The following ACBD6 variants were observed in gnomAD, a reference collection of about 807,000 sequenced individuals.
ACBD6 encodes the protein acyl-CoA binding domain containing 6.
ACBD6 carries 28 observed loss-of-function variants against 37.2 expected under a neutral mutation model. The observed-to-expected ratio is 0.75, with a 90% CI of 0.56 to 1.03. The LOEUF (loss-of-function observed/expected upper bound fraction) is 1.03. Ranked by LOEUF, ACBD6 falls within the 50% of genes least tolerant of loss-of-function variation. The pLI is 0.00. For missense variants in ACBD6, 340 were observed against 337.4 expected (o/e 1.01, Z -0.06); for synonymous variants, 113 against 126.8 (o/e 0.89, Z 0.73).
At chr1:180,352,319 G>T (rs1325118734) in intron 6 of ACBD6, among the ~76,000 whole-genome samples, 1 of 151,968 alleles carries the variant, frequency 6.6e-6, no homozygotes, top group African/African-American at 2.4e-5. Context: ...ATGTTGTCCA[G>T]GCTGGCCTCA....
At chr1:180,459,398 C>A (rs1049839419) in intron 3 of ACBD6, among the ~76,000 whole-genome samples, 4 of 152,136 alleles carry the variant, frequency 2.6e-5, no homozygotes, top group Non-Finnish European at 5.9e-5. Context: ...CTGAAATATT[C>A]AATTCTAGCA....
At chr1:180,399,518 T>C (rs1647259661) in intron 5 of ACBD6, among the ~76,000 whole-genome samples, 2 of 152,204 alleles carry the variant, frequency 1.3e-5, no homozygotes, top group Admixed American at 6.5e-5. Context: ...TCCACCTGCC[T>C]TGGCCTCCCA....
At chr1:180,498,885 G>A (rs1651842196) in intron 1 of ACBD6, among the ~76,000 whole-genome samples, 1 of 151,638 alleles carries the variant, frequency 6.6e-6, no homozygotes, top group Non-Finnish European at 1.5e-5. Context: ...TTATTAAACA[G>A]TATCTTATGA....
At chr1:180,304,643 G>A (rs1271604918) in intron 7 of ACBD6, among the ~76,000 whole-genome samples, 1 of 150,732 alleles carries the variant, frequency 6.6e-6, no homozygotes, top group Non-Finnish European at 1.5e-5. Flanking sequence ...GCTCATGGTA[G>A]GAAGAATCAA....
In ACBD6 at chr1:180,444,476, T is replaced by C. The variant is rs1043050859; in HGVS notation, c.385-14214A>G. Among the ~76,000 whole-genome samples, 6 of 152,332 alleles carry C rather than the reference T, an allele frequency of 3.9e-5. No homozygotes were observed. The South Asian group carries it at 1.2e-3, about 32-fold the overall frequency. Reference sequence around the variant, plus strand: ...GTTTTGTGGGGAAATAAAAAGATTATATCTTAGGCAGAAATAATATTTTAA... The same window carrying C: ...GTTTTGTGGGGAAATAAAAAGATTACATCTTAGGCAGAAATAATATTTTAA... On this transcript the variant is annotated intron_variant, in intron 3 of 7. Coordinates refer to ENST00000367595, the MANE Select transcript of ACBD6 (RefSeq NM_032360.4).
chr1:180,288,253 T>C lies in ACBD6; in HGVS notation c.*110A>G. On this transcript the variant is annotated 3_prime_UTR_variant, in exon 8 of 8. Transcript: ENST00000367595. ...AATCCCAGTTCCACAGAACTGATTTTATTAGCCAATACATACCAAAGACGG... is the reference window on the plus strand; with the variant it reads ...AATCCCAGTTCCACAGAACTGATTTCATTAGCCAATACATACCAAAGACGG... 2 of 1,467,868 alleles carry C rather than the reference T, an allele frequency of 1.4e-6. No homozygotes were observed. Among genetic ancestry groups the C allele is most frequent in the Non-Finnish European group, 1.9e-6 (2 of 1,067,328 alleles). 90.9% of individuals were successfully genotyped at this position (1,467,868 alleles called of 1,614,324 possible).
At chr1:180,443,303 G>A (rs1649354540) in intron 3 of ACBD6, among the ~76,000 whole-genome samples, 1 of 152,056 alleles carries the variant, frequency 6.6e-6, no homozygotes, top group African/African-American at 2.4e-5. Context: ...ACTCCTGACT[G>A]GTAGGAAACA....
rs1265181342 is a variant in ACBD6, at chr1:180,460,225, C to T, written c.385-29963G>A. 2.0e-5 allele frequency among the ~76,000 whole-genome samples: 3 copies of T among 151,466 alleles called. No individual in the cohort carries two copies. In the East Asian group the frequency reaches 5.8e-4, roughly 29 times the overall value. Reference sequence around the variant, plus strand: ...ACTGGGTGGGACTTACCAACAGGGGCCTCAAGCCACTCCCACCATTGTTCT... The same window carrying T: ...ACTGGGTGGGACTTACCAACAGGGGTCTCAAGCCACTCCCACCATTGTTCT... On this transcript the variant is annotated intron_variant, in intron 3 of 7. Coordinates refer to ENST00000367595, the MANE Select transcript of ACBD6 (RefSeq NM_032360.4).
chr1:180,342,386 C>T (rs57948698), intron 6 of ACBD6, among the ~76,000 whole-genome samples: 7,933 of 152,102 alleles, frequency 0.052, 667 homozygotes, highest in African/African-American at 0.17. Flanking sequence ...AAAGAAAAGA[C>T]AATTATCTTA....
intron 6 of ACBD6, among the ~76,000 whole-genome samples, chr1:180,326,113 G>A (rs536351634): frequency 6.6e-6 from 1 of 152,340 alleles, no homozygotes; most frequent in East Asian, 1.9e-4. Context: ...CTTCAGGGAA[G>A]CAAGTTACCC....
At chr1:180,397,640 C>T (rs757809391) in intron 5 of ACBD6, 35 bp from the exon 6 acceptor site, 15 of 1,501,038 alleles carry the variant, frequency 1.0e-5, no homozygotes, top group Admixed American at 1.7e-5. Flanking sequence ...TTTGTTATCT[C>T]AGTTGTGGAG....
chr1:180,463,033 G>C (rs1029625486), intron 3 of ACBD6, among the ~76,000 whole-genome samples: 5 of 152,096 alleles, frequency 3.3e-5, no homozygotes, highest in African/African-American at 9.7e-5. Flanking sequence ...AAACTAATGA[G>C]AACAAAGATA....
At position 180,502,469 on chromosome 1, in the gene ACBD6, C is replaced by T. The variant is rs932715908; in HGVS notation, c.-203G>A. The T allele has an allele frequency of 2.2e-5, 14 of 627,596 alleles. No individual in the cohort carries two copies. The highest frequency in any genetic ancestry group is 3.6e-5 in the African/African-American group (2 of 55,220). 38.9% of individuals were successfully genotyped at this position (627,596 alleles called of 1,614,324 possible). ...GGGCGTGCAGAGCAGGCTCCTCGAC[C>T]CTCTGCCGCTCTGCCCAGTCGACCC... On this transcript the variant is annotated 5_prime_UTR_variant, in exon 1 of 8. Coordinates refer to ENST00000367595, the MANE Select transcript of ACBD6 (RefSeq NM_032360.4).
intron 6 of ACBD6, among the ~76,000 whole-genome samples, chr1:180,376,679 C>G (rs188717900): frequency 2.6e-5 from 4 of 152,092 alleles, no homozygotes; most frequent in Non-Finnish European, 5.9e-5. Flanking sequence ...AAATCAGAAA[C>G]AAAGGAGACT....
chr1:180,279,119 G>C (rs1649220993), intron 9 of ACBD6: 1 of 152,098 alleles, frequency 6.6e-6, no homozygotes, highest in Non-Finnish European at 1.5e-5. Context: ...CTGAATGCCA[G>C]AACTATTATA....
chr1:180,434,999 G>A (rs111919731), intron 3 of ACBD6: 127,700 of 952,644 alleles, frequency 0.13, 11,595 homozygotes, highest in Middle Eastern at 0.17. Context: ...ACGGCCTGAC[G>A]TTTACAGAGA....
intron 4 of ACBD6, among the ~76,000 whole-genome samples, chr1:180,414,035 T>A (rs1443105116): frequency 6.6e-6 from 1 of 152,224 alleles, no homozygotes; most frequent in African/African-American, 2.4e-5. Context: ...AGTACATTTT[T>A]CTATTATATT....
intron 6 of ACBD6, among the ~76,000 whole-genome samples, chr1:180,389,352 T>C (rs1218585586): frequency 3.9e-5 from 6 of 152,332 alleles, no homozygotes; most frequent in East Asian, 3.9e-4. Context: ...TATGGCTGCA[T>C]AGTATTCCAG....
chr1:180,352,761 C>CA (rs911421845), intron 6 of ACBD6, among the ~76,000 whole-genome samples: 13 of 152,348 alleles, frequency 8.5e-5, no homozygotes, highest in African/African-American at 3.1e-4. Flanking sequence ...ACTTTATACA[C>CA]AGAGTACATC....
Sources: gnomAD v4.1 joint callset for allele counts (sites outside exome capture counted in the v4.1 genomes callset) on GRCh38, gnomAD v4.1.1 for gene constraint, MANE v1.5 for transcripts, NCBI Gene and HGNC (gene_info 2026-07-23, HGNC 2026-07-21) for gene names.